UTRN: variants seen among roughly 807,000 people sequenced by gnomAD.
UTRN encodes the protein utrophin.
UTRN carries 283 observed loss-of-function variants against 463.9 expected under a neutral mutation model. That is an observed-to-expected ratio of 0.61 (90% CI 0.55 to 0.67). UTRN has a LOEUF of 0.67. Ranked by LOEUF, UTRN falls within the 30% of genes least tolerant of loss-of-function variation. UTRN has a pLI of 0.00. For missense variants in UTRN, 3,922 were observed against 4,084.3 expected (o/e 0.96, Z 1.08); for synonymous variants, 1,442 against 1,431.5 (o/e 1.01, Z -0.17).
At chr6:144,567,866 T>C (rs9497006) in intron 50 of UTRN, among the ~76,000 whole-genome samples, 77,671 of 152,072 alleles carry the variant, frequency 0.51, 21,162 homozygotes, top group East Asian at 0.85. Context: ...GACATATCTA[T>C]TCATGTTCAA....
chr6:144,793,744 T>C, intron 62 of UTRN, 90 bp from the exon 63 acceptor site: 6 of 1,466,860 alleles, frequency 4.1e-6, no homozygotes, highest in Non-Finnish European at 5.4e-6. Context: ...TTTTTTAATC[T>C]GCATGGTTCA....
chr6:144,324,470 TTAAC>T (rs1020397511), intron 2 of UTRN, among the ~76,000 whole-genome samples: 38 of 152,222 alleles, frequency 2.5e-4, no homozygotes, highest in East Asian at 5.8e-4. Flanking sequence ...AAGAGAATAA[TTAAC>T]TGACAGTTAC....
chr6:144,535,505 G>T (rs1797449789), intron 43 of UTRN, among the ~76,000 whole-genome samples: 1 of 152,162 alleles, frequency 6.6e-6, no homozygotes, highest in Admixed American at 6.5e-5. Flanking sequence ...AACTAATAAG[G>T]TGAAGCTAAT....
intron 51 of UTRN, among the ~76,000 whole-genome samples, chr6:144,593,332 A>G (rs1803309937): frequency 6.6e-6 from 1 of 152,140 alleles, no homozygotes; most frequent in African/African-American, 2.4e-5. Context: ...TGCTTTAGGG[A>G]TTTTATTAAA....
At chr6:144,699,970 G>A in intron 52 of UTRN, 117 bp from the exon 53 acceptor site, 1 of 902,268 alleles carries the variant, frequency 1.1e-6, no homozygotes, top group Non-Finnish European at 1.5e-6. Context: ...TCTCTTTTGT[G>A]GAAGTAAACA....
intron 48 of UTRN, among the ~76,000 whole-genome samples, chr6:144,551,867 T>C (rs1409573892): frequency 2.0e-5 from 3 of 152,218 alleles, no homozygotes; most frequent in African/African-American, 7.2e-5. Context: ...TTTATTTCTC[T>C]TGGCCTTTTC....
intron 2 of UTRN, among the ~76,000 whole-genome samples, chr6:144,300,346 T>C (rs1047723596): frequency 1.3e-5 from 2 of 152,184 alleles, no homozygotes; most frequent in Admixed American, 1.3e-4. Context: ...CACCTCAGCC[T>C]CTCAAAGTGC....
At chr6:144,750,127 C>T (rs1791216283) in intron 55 of UTRN, among the ~76,000 whole-genome samples, 1 of 152,034 alleles carries the variant, frequency 6.6e-6, no homozygotes, top group African/African-American at 2.4e-5. Flanking sequence ...AGACCCAGAC[C>T]TTTTCAAAGT....
At position 144,658,725 on chromosome 6, in the gene UTRN, G is replaced by A. The variant is rs114248089; in HGVS notation, c.7480-19681G>A. On this transcript the variant is annotated intron_variant, in intron 51 of 74. Coordinates refer to ENST00000367545, the MANE Select transcript of UTRN (RefSeq NM_007124.3). ...TTCTGTTATACTTTATTGGTATACT[G>A]TATAGCTATGTAATGCAAAAGCAAA... Among the ~76,000 whole-genome samples, 1,007 of 152,350 alleles carry A rather than the reference G, an allele frequency of 6.6e-3. 8 individuals are homozygous for A. The highest frequency in any genetic ancestry group is 0.023 in the African/African-American group (945 of 41,578).
At chr6:144,537,739 A>C in intron 44 of UTRN, 22 bp downstream of exon 44, 3 of 1,604,314 alleles carry the variant, frequency 1.9e-6, no homozygotes, top group Non-Finnish European at 2.6e-6. Flanking sequence ...ATTTCTGTCT[A>C]TATGCCTTTT....
At chr6:144,843,455 AAAAT>A (rs901265306) in intron 73 of UTRN, among the ~76,000 whole-genome samples, 15 of 152,244 alleles carry the variant, frequency 9.9e-5, no homozygotes, top group East Asian at 1.9e-4. Flanking sequence ...AACATTATTA[AAAAT>A]AAATAATCAT....
intron 23 of UTRN, among the ~76,000 whole-genome samples, chr6:144,470,963 C>T (rs868103513): frequency 4.7e-5 from 7 of 150,306 alleles, no homozygotes; most frequent in South Asian, 2.1e-4. Context: ...TGCATTGAGC[C>T]GAGATGGCGG....
intron 2 of UTRN, among the ~76,000 whole-genome samples, chr6:144,353,393 C>T (rs1778281677): frequency 6.6e-6 from 1 of 150,774 alleles, no homozygotes; most frequent in South Asian, 2.1e-4. Context: ...GGATTTTAGG[C>T]GTGAACCAAC....
chr6:144,716,396 T>G (rs1212078579), intron 53 of UTRN, among the ~76,000 whole-genome samples: 1 of 152,166 alleles, frequency 6.6e-6, no homozygotes, highest in Non-Finnish European at 1.5e-5. Flanking sequence ...TCTCATTCAG[T>G]GACTATGTTG....
intron 54 of UTRN, among the ~76,000 whole-genome samples, chr6:144,736,984 C>T (rs1201409698): frequency 2.0e-5 from 3 of 152,136 alleles, no homozygotes; most frequent in Non-Finnish European, 4.4e-5. Context: ...TTTGTGTCTT[C>T]CTGGACGCTT....
intron 51 of UTRN, among the ~76,000 whole-genome samples, chr6:144,588,615 T>G (rs1802705272): frequency 1.3e-5 from 2 of 152,322 alleles, no homozygotes; most frequent in South Asian, 4.1e-4. Flanking sequence ...TGTAGAGTAT[T>G]ATTTGATAAT....
At chr6:144,531,887 C>A (rs1797092994) in intron 42 of UTRN, among the ~76,000 whole-genome samples, 2 of 152,094 alleles carry the variant, frequency 1.3e-5, no homozygotes, top group African/African-American at 4.8e-5. Context: ...CTTGTAATCC[C>A]AGCATTTTGG....
intron 65 of UTRN, among the ~76,000 whole-genome samples, chr6:144,813,568 A>C (rs1778818638): frequency 6.6e-6 from 1 of 152,218 alleles, no homozygotes; most frequent in Non-Finnish European, 1.5e-5. Context: ...ACATTTGTAA[A>C]GAGAATAACT....
At chr6:144,656,096 G>A (rs948585007) in intron 51 of UTRN, among the ~76,000 whole-genome samples, 2 of 152,186 alleles carry the variant, frequency 1.3e-5, no homozygotes, top group African/African-American at 4.8e-5. Flanking sequence ...TATTTAGCTA[G>A]AGATTCCTGG....
Sources: gnomAD v4.1 joint callset for allele counts (sites outside exome capture counted in the v4.1 genomes callset) on GRCh38, gnomAD v4.1.1 for gene constraint, MANE v1.5 for transcripts, NCBI Gene and HGNC (gene_info 2026-07-23, HGNC 2026-07-21) for gene names.